Variants in ROBO2 observed in about 807,000 individuals in gnomAD.
ROBO2 encodes roundabout guidance receptor 2.
Under a neutral mutation model 160.8 loss-of-function variants are expected in ROBO2, and 53 were observed. That is an observed-to-expected ratio of 0.33 (90% confidence interval 0.26 to 0.41). ROBO2 has a LOEUF of 0.41. Among genes scored for constraint, ROBO2 ranks in the 10% least tolerant of loss-of-function variants. The probability of loss-of-function intolerance (pLI) is 1.00; values close to 1 mark genes in which losing one functional copy is unlikely to be tolerated. For missense variants in ROBO2, 1,577 were observed against 1,722.4 expected (o/e 0.92, Z 1.49); for synonymous variants, 664 against 611.7 (o/e 1.09, Z -1.26).
chr3:76,889,794 G>T (rs779059128), intron 2 of ROBO2, among the ~76,000 whole-genome samples: 2 of 152,162 alleles, frequency 1.3e-5, no homozygotes, highest in Non-Finnish European at 1.5e-5. Flanking sequence ...GGAAAAGCTG[G>T]TTGGGTTGTA....
At chr3:76,978,235 A>G (rs533341545) in intron 2 of ROBO2, among the ~76,000 whole-genome samples, 2 of 152,278 alleles carry the variant, frequency 1.3e-5, no homozygotes, top group African/African-American at 2.4e-5. Flanking sequence ...TTACACTTCT[A>G]TTTCACATGG....
At chr3:77,383,727 C>T (rs973989851) in intron 2 of ROBO2, among the ~76,000 whole-genome samples, 1 of 145,316 alleles carries the variant, frequency 6.9e-6, no homozygotes, top group Non-Finnish European at 1.5e-5. Flanking sequence ...TGACTAAGTG[C>T]CTCCTTTGAG....
rs1446282095 is a variant in ROBO2 at position 77,454,116 on chromosome 3, TG to T, written c.389-23295del. 6.6e-3 allele frequency among the ~76,000 whole-genome samples: 950 copies of T among 142,902 alleles called. 13 individuals are homozygous for T. Among genetic ancestry groups the T allele is most frequent in the African/African-American group, 0.023 (902 of 38,760 alleles). The allele number at this position is 142,902 out of a possible 152,430, so 93.7% of individuals were successfully genotyped here. On this transcript the variant is annotated intron_variant, in intron 2 of 25. Coordinates refer to ENST00000461745, the Ensembl canonical transcript of ROBO2. ...CATCTTCCTCAAAGTCTTCTTACTCTGGGCTTTTTTTTTTTTTTAATACTTG... is the reference window on the plus strand; with the variant it reads ...CATCTTCCTCAAAGTCTTCTTACTCTGGCTTTTTTTTTTTTTTAATACTTG...
chr3:76,630,976 A>G (rs1164670962), intron 2 of ROBO2, among the ~76,000 whole-genome samples: 1 of 152,162 alleles, frequency 6.6e-6, no homozygotes, highest in African/African-American at 2.4e-5. Flanking sequence ...TTAAAGTCAG[A>G]AAGTAACCAT....
intron 2 of ROBO2, among the ~76,000 whole-genome samples, chr3:76,344,383 A>C (rs1028743231): frequency 2.6e-5 from 4 of 152,142 alleles, no homozygotes; most frequent in African/African-American, 9.7e-5. Flanking sequence ...ATGAGAAAAA[A>C]TTTCATGAAG....
In ROBO2 at chr3:76,805,504, C is replaced by T. The variant is rs1415227701; in HGVS notation, c.110-292510C>T. On this transcript the variant is annotated intron_variant, in intron 2 of 26. Coordinates refer to the ROBO2 transcript ENST00000487694. Reference sequence around the variant, plus strand: ...TATGTTCCCCCCATATATATATATACACACACACATATGTATATATGTAGA... The same window carrying T: ...TATGTTCCCCCCATATATATATATATACACACACATATGTATATATGTAGA... 3.3e-5 allele frequency among the ~76,000 whole-genome samples: 5 copies of T among 150,868 alleles called. No homozygotes were observed. The East Asian group carries it at 5.8e-4, about 18-fold the overall frequency.
At position 76,405,382 on chromosome 3, in the gene ROBO2, T is replaced by C. The variant is rs541174554; in HGVS notation, c.109+467780T>C. On this transcript the variant is annotated intron_variant, in intron 2 of 26. Coordinates refer to the ROBO2 transcript ENST00000487694. ...TTTACTTGATGATTTAGTGCATGATTCATTCTAGATACATATGATTTTGGA... is the reference window on the plus strand; with the variant it reads ...TTTACTTGATGATTTAGTGCATGATCCATTCTAGATACATATGATTTTGGA... Among the ~76,000 whole-genome samples, 49 of 151,762 alleles carry C rather than the reference T, an allele frequency of 3.2e-4. 1 individual carries two copies. Among genetic ancestry groups the C allele is most frequent in the African/African-American group, 1.2e-3 (48 of 41,496 alleles).
intron 2 of ROBO2, among the ~76,000 whole-genome samples, chr3:76,600,602 A>T (rs1039855096): frequency 6.6e-6 from 1 of 152,174 alleles, no homozygotes; most frequent in Admixed American, 6.5e-5. Flanking sequence ...AGATCTTATG[A>T]GACTCATTCA....
At chr3:76,947,647 T>C (rs1231076766) in intron 2 of ROBO2, among the ~76,000 whole-genome samples, 2 of 151,716 alleles carry the variant, frequency 1.3e-5, no homozygotes, top group African/African-American at 4.9e-5. Context: ...TTGCAATCGA[T>C]GACATGTGAC....
At chr3:76,587,527 GT>G (rs1262687155) in intron 2 of ROBO2, among the ~76,000 whole-genome samples, 8 of 152,116 alleles carry the variant, frequency 5.3e-5, no homozygotes, top group Non-Finnish European at 1.2e-4. Flanking sequence ...GAAGGGGGAA[GT>G]CCCTTATAAA....
intron 2 of ROBO2, among the ~76,000 whole-genome samples, chr3:76,722,275 C>G (rs904362152): frequency 6.6e-6 from 1 of 152,030 alleles, no homozygotes. Flanking sequence ...TGCCTGCCAC[C>G]CACGCCTGGC....
chr3:76,559,042 A>G (rs2083991106), intron 2 of ROBO2, among the ~76,000 whole-genome samples: 2 of 152,120 alleles, frequency 1.3e-5, no homozygotes, highest in African/African-American at 4.8e-5. Flanking sequence ...TCATTTCTAC[A>G]CACAGCACAC....
chr3:77,374,461 CTTAT>C, intron 2 of ROBO2, among the ~76,000 whole-genome samples: 1 of 152,214 alleles, frequency 6.6e-6, no homozygotes, highest in Admixed American at 6.5e-5. Context: ...GTGTCAGCCA[CTTAT>C]TTATTTTTAA....
chr3:76,805,981 C>A (rs563401445), intron 2 of ROBO2, among the ~76,000 whole-genome samples: 1 of 151,928 alleles, frequency 6.6e-6, no homozygotes, highest in East Asian at 1.9e-4. Flanking sequence ...CTTCCTCTAG[C>A]TGTCTGTGTT....
chr3:76,771,743 G>C (rs188372232), intron 2 of ROBO2, among the ~76,000 whole-genome samples: 34 of 151,042 alleles, frequency 2.3e-4, no homozygotes, highest in African/African-American at 6.5e-4. Context: ...TTTAAAATTT[G>C]CTTTTAGTTT....
At chr3:77,462,594 A>T (rs2082356328) in intron 2 of ROBO2, among the ~76,000 whole-genome samples, 1 of 152,198 alleles carries the variant, frequency 6.6e-6, no homozygotes, top group South Asian at 2.1e-4. Flanking sequence ...TCCAGTTGGG[A>T]AAGACAGTAT....
intron 2 of ROBO2, among the ~76,000 whole-genome samples, chr3:76,754,044 A>G (rs1159096244): frequency 6.6e-6 from 1 of 151,892 alleles, no homozygotes; most frequent in Non-Finnish European, 1.5e-5. Flanking sequence ...TTTTATTGGT[A>G]TAAATATAAT....
chr3:76,649,677 G>T (rs2091162475), intron 2 of ROBO2, among the ~76,000 whole-genome samples: 1 of 152,094 alleles, frequency 6.6e-6, no homozygotes, highest in Admixed American at 6.6e-5. Context: ...AGTTACTTGA[G>T]AAATACTATT....
In ROBO2 at chr3:76,229,431, C is replaced by A. The variant is rs910212101; in HGVS notation, c.109+291829C>A. 3.9e-5 allele frequency among the ~76,000 whole-genome samples: 6 copies of A among 152,020 alleles called. 1 individual carries two copies. ...TGTATCATCATTTCAAAAAAACAAG[C>A]AATAGATGAATATCATTTTACATCA... is the stretch of plus-strand genomic sequence containing the variant. On this transcript the variant is annotated intron_variant, in intron 2 of 26. Transcript: ENST00000487694.
Sources: gnomAD v4.1 joint callset for allele counts (sites outside exome capture counted in the v4.1 genomes callset) on GRCh38, gnomAD v4.1.1 for gene constraint, MANE v1.5 for transcripts, NCBI Gene and HGNC (gene_info 2026-07-23, HGNC 2026-07-21) for gene names.